ASXL2: variants seen among roughly 807,000 people sequenced by gnomAD.
ASXL2 encodes ASXL transcriptional regulator 2.
In ASXL2, 23 loss-of-function variants were observed where a neutral mutation model predicts 122.0. The observed-to-expected ratio is 0.19, with a 90% CI of 0.14 to 0.27. The LOEUF is 0.27. Ranked by LOEUF, ASXL2 falls within the 10% of genes least tolerant of loss-of-function variation. ASXL2 has a pLI of 1.00. For missense variants in ASXL2, 1,518 were observed against 1,713.8 expected, an observed-to-expected ratio of 0.89 and a Z score of 2.02; for synonymous variants, 650 against 637.0, an observed-to-expected ratio of 1.02 and a Z score of -0.31.
rs7605694 is a variant in ASXL2 at position 25,789,408 on chromosome 2, C to T, written c.403+9977G>A. Among the ~76,000 whole-genome samples the T allele has an allele frequency of 6.2e-3, 942 of 152,108 alleles. 12 individuals carry two copies. The highest frequency in any genetic ancestry group is 0.021 in the African/African-American group (860 of 41,502). Reference sequence around the variant, plus strand: ...TCTCTGGACATTATTCTGTTCTAGACATGTCTTGTTTATGCTATTGGAAGT... The same window carrying T: ...TCTCTGGACATTATTCTGTTCTAGATATGTCTTGTTTATGCTATTGGAAGT... On this transcript the variant is annotated intron_variant, in intron 5 of 12. Transcript: ENST00000435504.
chr2:25,791,759 T>C (rs1436459205), intron 5 of ASXL2, among the ~76,000 whole-genome samples: 1 of 152,186 alleles, frequency 6.6e-6, no homozygotes, highest in Non-Finnish European at 1.5e-5. Flanking sequence ...TAATACTTAG[T>C]AACCCAGGCA....
chr2:25,842,167 AATAAGAAGAT>A (rs955898891), intron 2 of ASXL2, among the ~76,000 whole-genome samples: 2 of 152,054 alleles, frequency 1.3e-5, no homozygotes, highest in African/African-American at 2.4e-5. Flanking sequence ...AACAAACTAA[AATAAGAAGAT>A]ATGATCAAGA....
intron 3 of ASXL2, among the ~76,000 whole-genome samples, chr2:25,827,598 C>T (rs2089393064): frequency 6.6e-6 from 1 of 152,148 alleles, no homozygotes; most frequent in African/African-American, 2.4e-5. Flanking sequence ...TAGCTTTTAA[C>T]TTTGATTTAA....
At position 25,753,526 on chromosome 2, in the gene ASXL2, A is replaced by G; in HGVS notation, c.1142+8T>C. 1.2e-6 allele frequency: 2 copies of G among 1,607,308 alleles called. No homozygotes were observed. Among genetic ancestry groups the G allele is most frequent in the Non-Finnish European group, 1.7e-6 (2 of 1,174,598 alleles). On this transcript the variant is annotated splice_region_variant and intron_variant, in intron 11 of 12. Coordinates refer to ENST00000435504, the MANE Select transcript of ASXL2 (RefSeq NM_018263.6). ...ACATTTGGTTTATAGAACCTGTCCT[A>G]ATATTACCTCTGCCCATAGTAGCTT...
chr2:25,814,063 TA>T lies in ASXL2; in HGVS notation c.144-7727del, dbSNP rs975627269. Among the ~76,000 whole-genome samples the T allele has an allele frequency of 2.8e-4, 41 of 146,356 alleles. No individual in the cohort carries two copies. The East Asian group carries it at 3.6e-3, about 13-fold the overall frequency. On this transcript the variant is annotated intron_variant, in intron 3 of 12. Transcript: ENST00000435504. ...AGACTCCGTCTCAAAAAATAAAAAA[TA>T]AAAAAAAAAGAATAACTACAAACTG... is the stretch of plus-strand genomic sequence containing the variant.
chr2:25,840,621 T>G (rs1015135742), intron 2 of ASXL2, among the ~76,000 whole-genome samples: 1 of 152,204 alleles, frequency 6.6e-6, no homozygotes, highest in African/African-American at 2.4e-5. Flanking sequence ...AGTCATATAT[T>G]TGTCTTTTTG....
At chr2:25,833,036 C>CT (rs2089472526) in intron 3 of ASXL2, among the ~76,000 whole-genome samples, 1 of 152,074 alleles carries the variant, frequency 6.6e-6, no homozygotes, top group African/African-American at 2.4e-5. Flanking sequence ...GCAAGGGGTA[C>CT]TAGGGAAGTA....
Position 25,750,187 on chromosome 2 carries a change from A to C in ASXL2, c.1369T>G (p.Phe457Val). The C allele has an allele frequency of 6.2e-7, 1 of 1,613,970 alleles. No homozygotes were observed. The highest frequency in any genetic ancestry group is 8.5e-7 in the Non-Finnish European group (1 of 1,179,872). Reference sequence around the variant, plus strand: ...AGCAGGGGCTCTGAAGATGTGGAGAAGTTCGGCTGCACTTCACCTTGGCTT... The same window carrying C: ...AGCAGGGGCTCTGAAGATGTGGAGACGTTCGGCTGCACTTCACCTTGGCTT... ...CESQGEVQPN[F>V]STSSEPLLSS... Residue 457 changes from phenylalanine to valine, a missense_variant, in exon 12 of 13, where the codon TTC (phenylalanine) becomes GTC (valine). This residue lies in a region of ASXL2 where 292 missense variants were observed against 293.5 expected (regional missense o/e 1.00). Coordinates refer to ENST00000435504, the MANE Select transcript of ASXL2 (RefSeq NM_018263.6).
intron 8 of ASXL2, among the ~76,000 whole-genome samples, chr2:25,766,313 T>C (rs1470588969): frequency 6.6e-6 from 1 of 152,220 alleles, no homozygotes; most frequent in East Asian, 1.9e-4. Flanking sequence ...ATTTTTAATC[T>C]GGAATTCTGT....
At chr2:25,764,800 T>C (rs778677629) in intron 8 of ASXL2, among the ~76,000 whole-genome samples, 12 of 152,350 alleles carry the variant, frequency 7.9e-5, no homozygotes, top group Non-Finnish European at 1.6e-4. Flanking sequence ...TATGCATTCA[T>C]TGTACCTGCA....
chr2:25,833,803 C>T (rs2089480332), intron 3 of ASXL2, among the ~76,000 whole-genome samples: 1 of 152,246 alleles, frequency 6.6e-6, no homozygotes, highest in Non-Finnish European at 1.5e-5. Flanking sequence ...GGGCACTGGG[C>T]CAACCAAGTT....
chr2:25,785,310 G>A (rs954237016), intron 5 of ASXL2, among the ~76,000 whole-genome samples: 1 of 151,424 alleles, frequency 6.6e-6, no homozygotes, highest in African/African-American at 2.4e-5. Flanking sequence ...ACTGCAACCT[G>A]CGCCTCCCAG....
chr2:25,826,762 T>TA (rs55765302), intron 3 of ASXL2, among the ~76,000 whole-genome samples: 11,184 of 67,986 alleles, frequency 0.16, 1,655 homozygotes, highest in African/African-American at 0.31. Flanking sequence ...ACTTTCAAGG[T>TA]AAAAAAAAAA....
Position 25,743,490 on chromosome 2 carries a change from A to C in ASXL2, c.2847T>G (p.Asn949Lys), listed in dbSNP as rs1428706577. The C allele has an allele frequency of 3.7e-6, 6 of 1,613,966 alleles. No homozygotes were observed. The highest frequency in any genetic ancestry group is 5.1e-6 in the Non-Finnish European group (6 of 1,179,906). Residue 949 changes from asparagine to lysine, a missense_variant, in exon 13 of 13, where the codon AAT (asparagine) becomes AAG (lysine). Physicochemically the swap from Asn to Lys is moderately conservative, Grantham distance 94. Transcript: ENST00000435504. ...GAAGCAGCTGAGTCACTAAAGGATTATTAGCAGGGATACTAGAGGTTGGTC... is the reference window on the plus strand; with the variant it reads ...GAAGCAGCTGAGTCACTAAAGGATTCTTAGCAGGGATACTAGAGGTTGGTC... ...TLRPTSSIPA[N>K]NPLVTQLLQG...
Position 25,814,235 on chromosome 2 carries a change from G to A in ASXL2, c.144-7898C>T, listed in dbSNP as rs191042448. Among the ~76,000 whole-genome samples, 17 of 152,152 alleles carry A rather than the reference G, an allele frequency of 1.1e-4. No homozygotes were observed. In the East Asian group the frequency reaches 2.7e-3, roughly 24 times the overall value. On this transcript the variant is annotated intron_variant, in intron 3 of 12. Transcript: ENST00000435504. Reference sequence around the variant, plus strand: ...GAAAATACAAAAAGTCAAAGAATCCGGGCAGTTTATTTTTATGAATAATAA... The same window carrying A: ...GAAAATACAAAAAGTCAAAGAATCCAGGCAGTTTATTTTTATGAATAATAA...
intron 3 of ASXL2, among the ~76,000 whole-genome samples, chr2:25,821,776 T>G (rs972928574): frequency 6.6e-6 from 1 of 152,198 alleles, no homozygotes; most frequent in Non-Finnish European, 1.5e-5. Flanking sequence ...ACTTATCAAA[T>G]AAGAAGCAGC....
chr2:25,757,146 T>C (rs2088148094), intron 9 of ASXL2, among the ~76,000 whole-genome samples: 1 of 152,202 alleles, frequency 6.6e-6, no homozygotes, highest in African/African-American at 2.4e-5. Context: ...ATTTTTCTAC[T>C]CATTGCTGGA....
At chr2:25,783,883 G>T (rs1201716605) in intron 5 of ASXL2, among the ~76,000 whole-genome samples, 1 of 151,794 alleles carries the variant, frequency 6.6e-6, no homozygotes, top group Non-Finnish European at 1.5e-5. Flanking sequence ...GTGAAACCCC[G>T]ACTCTACTAC....
At chr2:25,819,707 A>C (rs2089286947) in intron 3 of ASXL2, among the ~76,000 whole-genome samples, 1 of 152,248 alleles carries the variant, frequency 6.6e-6, no homozygotes, top group South Asian at 2.1e-4. Flanking sequence ...AAAGAAGAGT[A>C]AAGATACATG....
Sources: allele counts gnomAD v4.1 joint callset (sites outside exome capture counted in the v4.1 genomes callset), GRCh38; gene constraint gnomAD v4.1.1; regional missense constraint gnomAD v4.1.1; transcripts MANE v1.5; gene names NCBI Gene and HGNC (gene_info 2026-07-23, HGNC 2026-07-21).